ZNF248: variants seen among roughly 807,000 people sequenced by gnomAD.
ZNF248 encodes KRAB protein domain.
ZNF248 carries 20 observed loss-of-function variants against 44.3 expected under a neutral mutation model. The ratio of observed to expected loss-of-function variants is 0.45; its 90% CI spans 0.32 to 0.66. The LOEUF (loss-of-function observed/expected upper bound fraction) is 0.66, where lower values mean the gene tolerates loss of function less well. Ranked by LOEUF, ZNF248 falls within the 30% of genes least tolerant of loss-of-function variation. The pLI, the probability that ZNF248 is intolerant of heterozygous loss-of-function variation, is 0.04. For missense variants in ZNF248, 654 were observed against 677.0 expected, an observed-to-expected ratio of 0.97 and a Z score of 0.38; for synonymous variants, 224 against 229.0, an observed-to-expected ratio of 0.98 and a Z score of 0.20.
At chr10:37,768,609 C>T in the ZNF248 span, among the ~76,000 whole-genome samples, 1 of 152,140 alleles carries the variant, frequency 6.6e-6, no homozygotes, top group African/African-American at 2.4e-5. Flanking sequence ...AACTCTGGGA[C>T]ACATTCAAAG....
At position 37,831,035 on chromosome 10, in the gene ZNF248, C is replaced by G; in HGVS notation, c.*580G>C. 2 of 992,790 alleles carry G rather than the reference C, an allele frequency of 2.0e-6. No individual in the cohort carries two copies. The highest frequency in any genetic ancestry group is 2.6e-6 in the Non-Finnish European group (2 of 770,970). The allele number at this position is 992,790 out of a possible 1,614,324, so 61.5% of individuals were successfully genotyped here. A position where few individuals can be genotyped will look rare whatever the true frequency, so the allele number is the denominator to read the frequency against. On this transcript the variant is annotated 3_prime_UTR_variant, in exon 6 of 6. Coordinates refer to ENST00000395867, the MANE Select transcript of ZNF248 (RefSeq NM_021045.3). The stretch of plus-strand genomic sequence containing the variant: ...AAGTATGTGTGTAGAAATATATTTA[C>G]ATATACACACAAACATATGTACATA...
At chr10:37,820,380 GT>G in intron 6 of ZNF248, 1 of 1,473,896 alleles carries the variant, frequency 6.8e-7, no homozygotes, top group Non-Finnish European at 9.5e-7. Flanking sequence ...CCGAGGTTTT[GT>G]TAGCATTGCT....
At chr10:37,773,106 C>T (rs938537050), downstream of ZNF248, among the ~76,000 whole-genome samples, 1 of 152,102 alleles carries the variant, frequency 6.6e-6, no homozygotes, top group Non-Finnish European at 1.5e-5. Flanking sequence ...ATTAGCTGGG[C>T]GTGGTGGCAC....
downstream of ZNF248, among the ~76,000 whole-genome samples, chr10:37,825,989 A>T (rs185096415): frequency 6.6e-5 from 10 of 152,234 alleles, no homozygotes; most frequent in Admixed American, 2.6e-4. Context: ...GTTCATTTGT[A>T]AGAGTAAAAA....
intron 6 of ZNF248, among the ~76,000 whole-genome samples, chr10:37,814,870 C>A (rs773690702): frequency 2.0e-5 from 3 of 152,104 alleles, no homozygotes; most frequent in Non-Finnish European, 4.4e-5. Context: ...TCAGTGTGGG[C>A]CTCTTTGATT....
In ZNF248 at chr10:37,829,632, C is replaced by T. The variant is rs762543050; in HGVS notation, c.*1983G>A. On this transcript the variant is annotated 3_prime_UTR_variant, in exon 6 of 6. Coordinates refer to ENST00000395867, the MANE Select transcript of ZNF248 (RefSeq NM_021045.3). Reference sequence around the variant, plus strand: ...TATAGAGAGCAGAGTAGCTCGGCAACGTCACCTCTGAGCTGGCTTTTCCCA... The same window carrying T: ...TATAGAGAGCAGAGTAGCTCGGCAATGTCACCTCTGAGCTGGCTTTTCCCA... The T allele has an allele frequency of 3.0e-6, 3 of 985,264 alleles. No homozygotes were observed. Among genetic ancestry groups the T allele is most frequent in the Admixed American group, 6.2e-5 (1 of 16,246 alleles). 61.0% of individuals were successfully genotyped at this position (985,264 alleles called of 1,614,324 possible).
At chr10:37,768,386 G>A in the ZNF248 span, among the ~76,000 whole-genome samples, 1 of 151,204 alleles carries the variant, frequency 6.6e-6, no homozygotes, top group Non-Finnish European at 1.5e-5. Context: ...GCTCTCCTCA[G>A]CAAATGTAAA....
Position 37,831,919 on chromosome 10 carries a change from A to AG in ZNF248, c.1435dup (p.Leu479ProfsTer17). On this transcript the variant is annotated frameshift_variant, in exon 6 of 6. Coordinates refer to ENST00000395867, the MANE Select transcript of ZNF248 (RefSeq NM_021045.3). LOFTEE classifies it high-confidence loss of function. ...TGTGTGTGTTCTCTGATGCACAGTG[A>AG]GGGCTGATCTGTGGCAGAAGGATTT... is the stretch of plus-strand genomic sequence containing the variant. 1 of 1,613,964 alleles carries AG rather than the reference A, an allele frequency of 6.2e-7. No individual in the cohort carries two copies. The highest frequency in any genetic ancestry group is 8.5e-7 in the Non-Finnish European group (1 of 1,179,912).
chr10:37,769,574 G>T, the ZNF248 span, among the ~76,000 whole-genome samples: 1 of 152,058 alleles, frequency 6.6e-6, no homozygotes, highest in African/African-American at 2.4e-5. Context: ...ATTCAACAAT[G>T]CTTCATGCTA....
At chr10:37,851,768 C>CAAAA (rs57501241) in intron 3 of ZNF248, among the ~76,000 whole-genome samples, 8 of 32,058 alleles carry the variant, frequency 2.5e-4, no homozygotes, top group South Asian at 1.5e-3. Flanking sequence ...TCAGAATGAC[C>CAAAA]AAAAAAAAAA....
chr10:37,841,113 CAT>C (rs1362058009), intron 3 of ZNF248, among the ~76,000 whole-genome samples: 1 of 152,300 alleles, frequency 6.6e-6, no homozygotes, highest in Non-Finnish European at 1.5e-5. Flanking sequence ...CATATGTTCA[CAT>C]GATTTTTTAT....
intron 6 of ZNF248, among the ~76,000 whole-genome samples, chr10:37,779,499 T>C (rs1325517177): frequency 5.3e-5 from 8 of 152,026 alleles, no homozygotes; most frequent in Admixed American, 2.6e-4. Flanking sequence ...AAATTAGGTA[T>C]TGATGGGACG....
At chr10:37,856,633 GAA>G in intron 1 of ZNF248, 101 bp from the exon 2 acceptor site, 5 of 923,714 alleles carry the variant, frequency 5.4e-6, no homozygotes, top group South Asian at 5.2e-5. Context: ...TCCTTGTAGG[GAA>G]AAAAAAAAAC....
intron 3 of ZNF248, among the ~76,000 whole-genome samples, chr10:37,852,067 G>C (rs941275268): frequency 6.6e-6 from 1 of 151,982 alleles, no homozygotes; most frequent in African/African-American, 2.4e-5. Flanking sequence ...GACCAACATG[G>C]AGAAACCCTG....
chr10:37,790,923 A>T (rs1589114055), intron 6 of ZNF248, among the ~76,000 whole-genome samples: 1 of 91,738 alleles, frequency 1.1e-5, no homozygotes, highest in South Asian at 2.7e-4. Flanking sequence ...CCATTATCTT[A>T]AAAAAAAAAA....
Position 37,830,222 on chromosome 10 carries a change from C to G in ZNF248, c.*1393G>C, listed in dbSNP as rs1316154733. 1 of 985,196 alleles carries G rather than the reference C, an allele frequency of 1.0e-6. No homozygotes were observed. The highest frequency in any genetic ancestry group is 1.7e-5 in the African/African-American group (1 of 57,202). The allele number at this position is 985,196 out of a possible 1,614,324, so 61.0% of individuals were successfully genotyped here. A position where few individuals can be genotyped will look rare whatever the true frequency, so the allele number is the denominator to read the frequency against. ...ACCTTTGCATAATTTATGTAAAAAC[C>G]ATTCTTATTAACAACATTTACATTA... On this transcript the variant is annotated 3_prime_UTR_variant, in exon 6 of 6. Transcript: ENST00000395867.
intron 6 of ZNF248, among the ~76,000 whole-genome samples, chr10:37,815,514 G>A (rs1225654755): frequency 6.6e-6 from 1 of 151,802 alleles, no homozygotes; most frequent in Non-Finnish European, 1.5e-5. Context: ...CTTTATTGAT[G>A]TTTCCATTTT....
intron 3 of ZNF248, among the ~76,000 whole-genome samples, chr10:37,850,777 C>A (rs1372401451): frequency 1.3e-5 from 2 of 152,066 alleles, no homozygotes; most frequent in Non-Finnish European, 2.9e-5. Flanking sequence ...GAGCCTCAAT[C>A]TAAACCTCAT....
intron 6 of ZNF248, among the ~76,000 whole-genome samples, chr10:37,782,920 C>T (rs1009724931): frequency 6.6e-6 from 1 of 152,134 alleles, no homozygotes; most frequent in Non-Finnish European, 1.5e-5. Context: ...GTTTTAGGTA[C>T]TTTGTGATGG....
Sources: allele counts gnomAD v4.1 joint callset (sites outside exome capture counted in the v4.1 genomes callset), GRCh38; gene constraint gnomAD v4.1.1; transcripts MANE v1.5; gene names NCBI Gene and HGNC (gene_info 2026-07-23, HGNC 2026-07-21).